Variants in ZNF236 observed in about 807,000 individuals in gnomAD.
ZNF236 encodes the protein regulated by glucose.
Under a neutral mutation model 191.2 loss-of-function variants are expected in ZNF236, and 50 were observed. The observed-to-expected ratio is 0.26, with a 90% CI of 0.21 to 0.33. ZNF236 has a LOEUF of 0.33. Among genes scored for constraint, ZNF236 ranks in the 10% least tolerant of loss-of-function variants. The pLI is 1.00. For missense variants in ZNF236, 1,754 were observed against 2,374.5 expected, an observed-to-expected ratio of 0.74 and a Z score of 5.43; for synonymous variants, 907 against 928.8, an observed-to-expected ratio of 0.98 and a Z score of 0.43.
chr18:76,888,186 A>G (rs1039529314), intron 9 of ZNF236, among the ~76,000 whole-genome samples: 7 of 152,292 alleles, frequency 4.6e-5, no homozygotes, highest in African/African-American at 1.4e-4. Flanking sequence ...CCTGGCTAAA[A>G]TGGTGTAACC....
chr18:76,899,513 C>T (rs1977529623), intron 11 of ZNF236, among the ~76,000 whole-genome samples: 1 of 152,174 alleles, frequency 6.6e-6, no homozygotes, highest in Non-Finnish European at 1.5e-5. Flanking sequence ...AACATTGCTA[C>T]CTCAGTGGAA....
rs1462955287 is a variant in ZNF236 at position 76,908,299 on chromosome 18, CTGT to C, written c.2298-16_2298-14del. 2 of 1,605,032 alleles carry C rather than the reference CTGT, an allele frequency of 1.2e-6. No individual in the cohort carries two copies. Among genetic ancestry groups the C allele is most frequent in the Middle Eastern group, 1.7e-4 (1 of 6,030 alleles). The stretch of plus-strand genomic sequence containing the variant: ...CTTTGACAGCATCTAACCTGATGAA[CTGT>C]TGTTAATTTTTCTGAAGATATGAGC... On this transcript the variant is annotated intron_variant, in intron 13 of 30. Transcript: ENST00000320610.
At chr18:76,926,926 C>A in intron 22 of ZNF236, 111 bp from the exon 23 acceptor site, 2 of 1,258,624 alleles carry the variant, frequency 1.6e-6, no homozygotes, top group Non-Finnish European at 2.2e-6. Context: ...ATTGTATTGA[C>A]ATAATGTGTA....
chr18:76,889,543 A>G (rs1397953936), intron 9 of ZNF236, among the ~76,000 whole-genome samples: 2 of 152,210 alleles, frequency 1.3e-5, no homozygotes, highest in Non-Finnish European at 2.9e-5. Flanking sequence ...CTCACTGGCC[A>G]TCTGGTCCTG....
chr18:76,860,062 G>C (rs1976169021), intron 3 of ZNF236, among the ~76,000 whole-genome samples: 1 of 152,152 alleles, frequency 6.6e-6, no homozygotes, highest in Non-Finnish European at 1.5e-5. Context: ...TTTGCCTGGA[G>C]GTGGGGGCTT....
intron 9 of ZNF236, chr18:76,887,578 C>T (rs1977095727): frequency 6.6e-6 from 1 of 152,094 alleles, no homozygotes; most frequent in South Asian, 2.1e-4. Context: ...ATAATAATGA[C>T]ATACCAGAGA....
At position 76,927,400 on chromosome 18, in the gene ZNF236, G is replaced by A. The variant is rs1469102038; in HGVS notation, c.4297G>A (p.Ala1433Thr). Reference protein sequence around the residue: ...SLQTSDSTVPASVVIQPISGL... With the variant: ...SLQTSDSTVPTSVVIQPISGL... ...CCAGACATCGGACAGCACGGTCCCT[G>A]CCAGTGTTGTCATCCAGCCCATCTC... Residue 1433 changes from alanine to threonine, a missense_variant, in exon 24 of 31, where the codon GCC (alanine) becomes ACC (threonine). This residue lies in a region of ZNF236 where 606 missense variants were observed against 761.5 expected (regional missense o/e 0.80). Transcript: ENST00000320610. The surrounding 1 kb of genome is among the most constrained non-coding windows in gnomAD (Gnocchi z 5.4). 1.2e-6 allele frequency: 2 copies of A among 1,614,168 alleles called. No homozygotes were observed. Among genetic ancestry groups the A allele is most frequent in the South Asian group, 2.2e-5 (2 of 91,072 alleles).
chr18:76,834,762 T>C (rs1975272651), intron 1 of ZNF236: 5 of 455,416 alleles, frequency 1.1e-5, no homozygotes, highest in South Asian at 8.8e-5. Context: ...GATCGAACAT[T>C]GTACTTGTCT....
At chr18:76,836,024 C>T (rs942089021) in intron 1 of ZNF236, among the ~76,000 whole-genome samples, 1 of 152,194 alleles carries the variant, frequency 6.6e-6, no homozygotes, top group Non-Finnish European at 1.5e-5. Context: ...TCTCCTGCCT[C>T]AGCCTCCCAA....
rs1054841709 is a variant in ZNF236 at position 76,927,435 on chromosome 18, C to G, written c.4332C>G (p.Ser1444=). The stretch of plus-strand genomic sequence containing the variant: ...TCATCCAGCCCATCTCAGGCCTGTC[C>G]TTACAGCCCACAGTGACCTCTGCGA... ...SVVIQPISGL[S]LQPTVTSANL... is the part of the protein sequence containing the mutation. Residue 1444 remains serine (S), a synonymous_variant, in exon 24 of 31, where the codon TCC becomes TCG. Transcript: ENST00000320610. This position sits in a 1 kb window ranked among gnomAD's most constrained non-coding sequence, Gnocchi z 5.4. 3 of 1,614,218 alleles carry G rather than the reference C, an allele frequency of 1.9e-6. No homozygotes were observed. In the South Asian group the frequency reaches 3.3e-5, roughly 18 times the overall value.
chr18:76,824,151 A>G (rs1339819706), intron 1 of ZNF236: 1 of 594,572 alleles, frequency 1.7e-6, no homozygotes, highest in African/African-American at 1.9e-5. Context: ...TGCCCCAGAG[A>G]AAGGTCGGGC....
chr18:76,824,410 T>G, intron 1 of ZNF236: 1 of 781,098 alleles, frequency 1.3e-6, no homozygotes, highest in Middle Eastern at 2.3e-4. Flanking sequence ...GACCCAGGTA[T>G]GCAGATTTGT....
chr18:76,966,021 C>T (rs537479877), intron 30 of ZNF236, among the ~76,000 whole-genome samples: 9 of 152,164 alleles, frequency 5.9e-5, no homozygotes, highest in East Asian at 1.9e-4. Flanking sequence ...CTGGGCTAGG[C>T]GTGTCTGAGC....
chr18:76,886,193 GC>G (rs1977049594), intron 9 of ZNF236: 1 of 152,190 alleles, frequency 6.6e-6, no homozygotes, highest in Non-Finnish European at 1.5e-5. Flanking sequence ...AGTGGAGAAA[GC>G]CCTGATAAGT....
intron 10 of ZNF236, among the ~76,000 whole-genome samples, 174 bp from the exon 11 acceptor site, chr18:76,898,845 A>C (rs7238686): frequency 0.029 from 4,383 of 152,330 alleles, 203 homozygotes; most frequent in African/African-American, 0.091. Context: ...TATCTATAAT[A>C]TGCACTGTAT....
intron 27 of ZNF236, among the ~76,000 whole-genome samples, chr18:76,950,714 A>G (rs984619020): frequency 1.7e-4 from 26 of 152,252 alleles, no homozygotes; most frequent in African/African-American, 6.0e-4. Flanking sequence ...ACTTCCTCCC[A>G]TGAATCACAA....
At position 76,968,472 on chromosome 18, in the gene ZNF236, A is replaced by G. The variant is rs1417838237; in HGVS notation, c.*133A>G. 2 of 1,450,762 alleles carry G rather than the reference A, an allele frequency of 1.4e-6. No homozygotes were observed. Among genetic ancestry groups the G allele is most frequent in the African/African-American group, 1.5e-5 (1 of 67,894 alleles). The allele number at this position is 1,450,762 out of a possible 1,614,324, so 89.9% of individuals were successfully genotyped here. The stretch of plus-strand genomic sequence containing the variant: ...TAGTTTTTTATCTATAAAATTATCT[A>G]AAGAATCATTGTCTTTCAGAGACTC... On this transcript the variant is annotated 3_prime_UTR_variant, in exon 31 of 31. Coordinates refer to ENST00000320610, the MANE Select transcript of ZNF236 (RefSeq NM_001306089.2).
intron 14 of ZNF236, among the ~76,000 whole-genome samples, chr18:76,909,105 G>C (rs1389921191): frequency 1.3e-5 from 2 of 151,748 alleles, no homozygotes; most frequent in African/African-American, 4.8e-5. Context: ...ATCACTTGAG[G>C]TCAGCAATTC....
At chr18:76,838,439 G>A (rs1445691203) in intron 1 of ZNF236, among the ~76,000 whole-genome samples, 1 of 152,192 alleles carries the variant, frequency 6.6e-6, no homozygotes, top group Admixed American at 6.5e-5. Context: ...GAAAGTCGTG[G>A]AAATTTCAGG....
Sources: gnomAD v4.1 joint callset for allele counts (sites outside exome capture counted in the v4.1 genomes callset) on GRCh38, gnomAD v4.1.1 for gene constraint, gnomAD v4.1.1 regional missense constraint, Gnocchi (gnomAD v3.1) non-coding constraint, MANE v1.5 for transcripts, NCBI Gene and HGNC (gene_info 2026-07-23, HGNC 2026-07-21) for gene names.